ZNF665: variants seen among roughly 807,000 people sequenced by gnomAD.
The protein encoded by ZNF665 is zinc finger protein 665.
ZNF665 carries 6 observed loss-of-function variants against 7.9 expected under a neutral mutation model. The ratio of observed to expected loss-of-function variants is 0.76; its 90% CI spans 0.42 to 1.50. The LOEUF (loss-of-function observed/expected upper bound fraction) is 1.50. Ranked by LOEUF, ZNF665 falls within the 40% of genes most tolerant of loss-of-function variation. The probability of loss-of-function intolerance (pLI) is 0.01; values close to 1 mark genes in which losing one functional copy is unlikely to be tolerated. For synonymous variants in ZNF665, 242 were observed against 274.5 expected (o/e 0.88, Z 1.17); for missense variants, 819 against 806.7 (o/e 1.02, Z -0.18).
chr19:53,192,649 C>T (rs2090825922), intron 1 of ZNF665, among the ~76,000 whole-genome samples: 1 of 152,184 alleles, frequency 6.6e-6, no homozygotes, highest in Non-Finnish European at 1.5e-5. Flanking sequence ...CCCTCTCTGT[C>T]TCCTGATCCC....
In ZNF665 at chr19:53,166,195, C is replaced by CA. The variant is rs2090614106; in HGVS notation, c.294dup (p.Glu99Ter). On this transcript the variant is annotated frameshift_variant, in exon 4 of 4. Coordinates refer to ENST00000396424, the MANE Select transcript of ZNF665 (RefSeq NM_024733.5). LOFTEE classifies it low-confidence loss of function (END_TRUNC). ...CCTTCATCATCTTTCCACTGACACT[C>CA]AAAGTCGTATGTATTTTTCTGAACT... 1 of 1,613,840 alleles carries CA rather than the reference C, an allele frequency of 6.2e-7. No individual in the cohort carries two copies. The highest frequency in any genetic ancestry group is 1.3e-5 in the African/African-American group (1 of 74,910).
intron 1 of ZNF665, among the ~76,000 whole-genome samples, chr19:53,183,359 T>C (rs1024105852): frequency 6.6e-6 from 1 of 152,120 alleles, no homozygotes; most frequent in Non-Finnish European, 1.5e-5. Flanking sequence ...TGCTCAATAG[T>C]AGATACAGAA....
rs972797166 is a variant in ZNF665 at position 53,162,738 on chromosome 19, A to T, written c.*1715T>A. 6.6e-6 allele frequency: 1 copy of T among 151,912 alleles called. No homozygotes were observed. The highest frequency in any genetic ancestry group is 2.4e-5 in the African/African-American group (1 of 41,326). The allele number at this position is 151,912 out of a possible 1,614,324, so 9.4% of individuals were successfully genotyped here. On this transcript the variant is annotated 3_prime_UTR_variant, in exon 4 of 4. Coordinates refer to ENST00000396424, the MANE Select transcript of ZNF665 (RefSeq NM_024733.5). The stretch of plus-strand genomic sequence containing the variant: ...CGTGGTGGTGCATGTCTGTAATCCC[A>T]GCTACTTGGGAGGCTGAGGCAGGAG...
chr19:53,185,255 T>C (rs1309289619), intron 1 of ZNF665, among the ~76,000 whole-genome samples: 4 of 151,956 alleles, frequency 2.6e-5, no homozygotes, highest in Non-Finnish European at 4.4e-5. Flanking sequence ...ACGCTACCGC[T>C]AGACCACGGT....
intron 2 of ZNF665, among the ~76,000 whole-genome samples, chr19:53,176,048 C>T (rs939599660): frequency 6.6e-6 from 1 of 152,112 alleles, no homozygotes; most frequent in Non-Finnish European, 1.5e-5. Flanking sequence ...GCAATCCCAG[C>T]TACTCAGGAG....
Position 53,166,033 on chromosome 19 carries a change from G to T in ZNF665, c.457C>A (p.Gln153Lys). ...VSFQSHLPEL[Q>K]QFQHEGKIYE... ...ATTTTCCCTTCATGTTGAAATTGCT[G>T]CAGTTCAGGGAGATGTGACTGAAAG... The change falls in exon 4 of 4, where the codon CAG (glutamine) becomes AAG (lysine). Residue 153 changes from glutamine to lysine, a missense_variant. Coordinates refer to ENST00000396424, the MANE Select transcript of ZNF665 (RefSeq NM_024733.5). The T allele has an allele frequency of 6.2e-7, 1 of 1,613,980 alleles. No individual in the cohort carries two copies. The highest frequency in any genetic ancestry group is 8.5e-7 in the Non-Finnish European group (1 of 1,179,892).
chr19:53,182,946 T>G lies in ZNF665; in HGVS notation c.-45-3A>C. On this transcript the variant is annotated splice_polypyrimidine_tract_variant and splice_region_variant and intron_variant, in intron 1 of 3. Transcript: ENST00000396424. ...TTCCTCTTCTTCCAGGGTTCTACCTTGGGTAACATGAAAGAGACTTTAGAA... is the reference window on the plus strand; with the variant it reads ...TTCCTCTTCTTCCAGGGTTCTACCTGGGGTAACATGAAAGAGACTTTAGAA... The G allele has an allele frequency of 5.6e-6, 9 of 1,603,882 alleles. No homozygotes were observed. Among genetic ancestry groups the G allele is most frequent in the Non-Finnish European group, 7.6e-6 (9 of 1,178,442 alleles).
Position 53,165,298 on chromosome 19 carries a change from C to A in ZNF665, c.1192G>T (p.Gly398Ter), listed in dbSNP as rs771360912. The A allele has an allele frequency of 4.3e-6, 7 of 1,613,192 alleles. No individual in the cohort carries two copies. In the South Asian group the frequency reaches 7.7e-5, roughly 18 times the overall value. Reference sequence around the variant, plus strand: ...TCATTACATTTGAAAGGCTTTTCTCCGGTATGGATGATCTGATGCTTAGTT... The same window carrying A: ...TCATTACATTTGAAAGGCTTTTCTCAGGTATGGATGATCTGATGCTTAGTT... ...NLTKHQIIHT[G>*]EKPFKCNECV... The change falls in exon 4 of 4, where the codon GGA (glycine) becomes TGA (stop). Residue 398 changes from glycine to a stop codon, truncating the protein, a stop_gained. Transcript: ENST00000396424. LOFTEE classifies it low-confidence loss of function (END_TRUNC).
chr19:53,164,999 T>G lies in ZNF665; in HGVS notation c.1491A>C (p.Gln497His). ...KCDECGKAFSQTSQLARHWRV... is the reference protein window; with the variant it reads ...KCDECGKAFSHTSQLARHWRV... ...TCCAATGCCTTGCAAGTTGTGATGT[T>G]TGACTGAAGGCTTTACCACATTCAT... is the stretch of plus-strand genomic sequence containing the variant. The change falls in exon 4 of 4, where the codon CAA (glutamine) becomes CAC (histidine). Residue 497 changes from glutamine (Q) to histidine (H), a missense_variant. Gln to His is a conservative substitution (Grantham distance 24). Coordinates refer to ENST00000396424, the MANE Select transcript of ZNF665 (RefSeq NM_024733.5). 1 of 1,613,868 alleles carries G rather than the reference T, an allele frequency of 6.2e-7. No homozygotes were observed. The highest frequency in any genetic ancestry group is 1.1e-5 in the South Asian group (1 of 91,064).
intron 3 of ZNF665, among the ~76,000 whole-genome samples, chr19:53,171,078 G>A (rs1296355719): frequency 2.6e-5 from 4 of 151,848 alleles, no homozygotes; most frequent in East Asian, 3.9e-4. Context: ...TCCACCTCCC[G>A]GGTTGAAGCA....
chr19:53,175,699 G>T, intron 2 of ZNF665, 128 bp from the exon 3 acceptor site: 3 of 1,058,028 alleles, frequency 2.8e-6, no homozygotes, highest in South Asian at 1.6e-5. Context: ...TCCAGGCTGT[G>T]ATCACGGTAC....
chr19:53,191,981 C>T (rs891838795), intron 1 of ZNF665: 3 of 152,224 alleles, frequency 2.0e-5, no homozygotes, highest in Non-Finnish European at 2.9e-5. Flanking sequence ...CTCCCTCATT[C>T]TGTACATCTC....
intron 2 of ZNF665, among the ~76,000 whole-genome samples, chr19:53,176,488 A>C (rs1047618692): frequency 5.9e-5 from 9 of 152,208 alleles, no homozygotes; most frequent in Non-Finnish European, 1.3e-4. Context: ...GCAATAAATG[A>C]ATCAATATGA....
At chr19:53,193,149 C>T (rs1472429454) in intron 1 of ZNF665, among the ~76,000 whole-genome samples, 163 bp downstream of exon 1, 1 of 152,084 alleles carries the variant, frequency 6.6e-6, no homozygotes, top group East Asian at 1.9e-4. Flanking sequence ...TGATTTTAAC[C>T]CAAAGCGATG....
At chr19:53,189,950 T>A (rs539715391) in intron 1 of ZNF665, among the ~76,000 whole-genome samples, 1 of 152,196 alleles carries the variant, frequency 6.6e-6, no homozygotes, top group South Asian at 2.1e-4. Flanking sequence ...GCTCGCACTC[T>A]TGTCTTCTGG....
chr19:53,171,828 C>T (rs2090661152), intron 3 of ZNF665, among the ~76,000 whole-genome samples: 1 of 148,350 alleles, frequency 6.7e-6, no homozygotes, highest in South Asian at 2.1e-4. Flanking sequence ...GATCTCGGCT[C>T]ACTGCAACTT....
Position 53,165,435 on chromosome 19 carries a change from C to T in ZNF665, c.1055G>A (p.Gly352Asp). Reference protein sequence around the residue: ...GEKPYKCNECGKVFRHNSYLA... With the variant: ...GEKPYKCNECDKVFRHNSYLA... ...GTATGAATTGTGCCTGAAGACCTTG[C>T]CACATTCATTACATTTGTAAGGTTT... The change falls in exon 4 of 4, where the codon GGC becomes GAC. Residue 352 changes from glycine to aspartate, a missense_variant. Physicochemically the swap from Gly to Asp is moderately conservative, Grantham distance 94. Transcript: ENST00000396424. 1 of 1,613,218 alleles carries T rather than the reference C, an allele frequency of 6.2e-7. No individual in the cohort carries two copies. Among genetic ancestry groups the T allele is most frequent in the South Asian group, 1.1e-5 (1 of 91,074 alleles).
rs114824473 is a variant in ZNF665, at chr19:53,164,849, G to A, written c.1641C>T (p.Cys547=). The A allele has an allele frequency of 1.8e-3, 2,939 of 1,613,864 alleles. 49 individuals carry two copies. The African/African-American group carries it at 0.034, about 19-fold the overall frequency. ...ACGAATTGTGTCTGAAGACCTTGCC[G>A]CAATCATTACATTTGTATGGTTTTT... ...TGQKPYKCND[C]GKVFRHNSYL... The change falls in exon 4 of 4, where the codon TGC becomes TGT. Residue 547 remains cysteine (C), a synonymous_variant. Transcript: ENST00000396424.
chr19:53,171,212 C>T (rs1352201098), intron 3 of ZNF665, among the ~76,000 whole-genome samples: 1 of 151,996 alleles, frequency 6.6e-6, no homozygotes, highest in African/African-American at 2.4e-5. Flanking sequence ...TCTCGAACTC[C>T]TGGCCTCACA....
Sources: allele counts gnomAD v4.1 joint callset (sites outside exome capture counted in the v4.1 genomes callset), GRCh38; gene constraint gnomAD v4.1.1; transcripts MANE v1.5; gene names NCBI Gene and HGNC (gene_info 2026-07-23, HGNC 2026-07-21).